The following SIAH3 variants were observed in gnomAD, a reference collection of about 807,000 sequenced individuals.
SIAH3 encodes seven in absentia homolog 3.
In SIAH3, 9 loss-of-function variants were observed where a neutral mutation model predicts 12.6. The ratio of observed to expected loss-of-function variants is 0.72; its 90% CI spans 0.43 to 1.25. The LOEUF is 1.25. Among genes scored for constraint, SIAH3 ranks in the 50% most tolerant of loss-of-function variants. The pLI, the probability that SIAH3 is intolerant of heterozygous loss-of-function variation, is 0.00. For missense variants in SIAH3, 390 were observed against 365.4 expected (o/e 1.07, Z -0.55); for synonymous variants, 154 against 151.1 (o/e 1.02, Z -0.14).
rs1420105690 is a variant in SIAH3 at position 45,779,492 on chromosome 13, C to T, written c.*3891G>A. 2 of 152,160 alleles carry T rather than the reference C, an allele frequency of 1.3e-5. No homozygotes were observed. Among genetic ancestry groups the T allele is most frequent in the Non-Finnish European group, 2.9e-5 (2 of 68,036 alleles). 9.4% of individuals were successfully genotyped at this position (152,160 alleles called of 1,614,324 possible). ...ATTCACACTTTATGACTCGGTCCTT[C>T]TGAGCCTTGGGTCCATATGTTCATA... is the stretch of plus-strand genomic sequence containing the variant. On this transcript the variant is annotated 3_prime_UTR_variant, in exon 2 of 2. Transcript: ENST00000400405.
intron 1 of SIAH3, among the ~76,000 whole-genome samples, chr13:45,798,986 C>G (rs183867274): frequency 6.6e-6 from 1 of 152,326 alleles, no homozygotes; most frequent in African/African-American, 2.4e-5. Flanking sequence ...ATGTACCAGC[C>G]TCACGACAAG....
intron 1 of SIAH3, among the ~76,000 whole-genome samples, chr13:45,842,464 C>G (rs1950743486): frequency 6.6e-6 from 1 of 152,102 alleles, no homozygotes; most frequent in South Asian, 2.1e-4. Context: ...CCACCTCAGC[C>G]CCTCCACCCT....
At chr13:45,785,170 C>G (rs1950523930) in intron 1 of SIAH3, among the ~76,000 whole-genome samples, 1 of 152,160 alleles carries the variant, frequency 6.6e-6, no homozygotes, top group African/African-American at 2.4e-5. Flanking sequence ...CTTCAGCTCC[C>G]TCCTCCGTTT....
rs997223383 is a variant in SIAH3 at position 45,783,940 on chromosome 13, C to T, written c.253G>A (p.Ala85Thr). 5 of 1,602,684 alleles carry T rather than the reference C, an allele frequency of 3.1e-6. No homozygotes were observed. In the African/African-American group the frequency reaches 5.4e-5, roughly 17 times the overall value. Reference sequence around the variant, plus strand: ...TGGTGGTGAAGGTGGTGGGGGTGGGCGTGGTGGCGGAGGTGGTGGTGGTGG... The same window carrying T: ...TGGTGGTGAAGGTGGTGGGGGTGGGTGTGGTGGCGGAGGTGGTGGTGGTGG... Reference protein sequence around the residue: ...HRHHHHLRHHAHPHHLHHQEA... With the variant: ...HRHHHHLRHHTHPHHLHHQEA... Residue 85 changes from alanine (A) to threonine (T), a missense_variant, in exon 2 of 2, where the codon GCC (alanine) becomes ACC (threonine). Transcript: ENST00000400405.
chr13:45,810,537 T>C (rs1529880), intron 1 of SIAH3, among the ~76,000 whole-genome samples: 54,884 of 151,936 alleles, frequency 0.36, 10,603 homozygotes, highest in Non-Finnish European at 0.41. Flanking sequence ...TAGAAAAATG[T>C]GGTGACAGGG....
chr13:45,783,439 C>G lies in SIAH3; in HGVS notation c.754G>C (p.Ala252Pro). The G allele has an allele frequency of 6.2e-7, 1 of 1,614,038 alleles. No homozygotes were observed. The highest frequency in any genetic ancestry group is 8.5e-7 in the Non-Finnish European group (1 of 1,179,982). Reference sequence around the variant, plus strand: ...GTCGCGGTGATGGCAATCCCAATGGCAAGGCTGCCGTTGTCAGAGAAGAGC... The same window carrying G: ...GTCGCGGTGATGGCAATCCCAATGGGAAGGCTGCCGTTGTCAGAGAAGAGC... Reference protein sequence around the residue: ...AQLFSDNGSLAIGIAITATEV... With the variant: ...AQLFSDNGSLPIGIAITATEV... Residue 252 changes from alanine to proline, a missense_variant, in exon 2 of 2, where the codon GCC becomes CCC. Physicochemically the swap from Ala to Pro is conservative, Grantham distance 27. Transcript: ENST00000400405.
In SIAH3 at chr13:45,779,528, G is replaced by T. The variant is rs1270889837; in HGVS notation, c.*3855C>A. The T allele has an allele frequency of 6.6e-6, 1 of 152,160 alleles. No homozygotes were observed. Among genetic ancestry groups the T allele is most frequent in the Non-Finnish European group, 1.5e-5 (1 of 68,036 alleles). 9.4% of individuals were successfully genotyped at this position (152,160 alleles called of 1,614,324 possible). On this transcript the variant is annotated 3_prime_UTR_variant, in exon 2 of 2. Coordinates refer to ENST00000400405, the MANE Select transcript of SIAH3 (RefSeq NM_198849.3). Reference sequence around the variant, plus strand: ...GTCCATATGTTCATAGAAATGACATGGTTGCTGTTGGTCAGAAGCCATACG... The same window carrying T: ...GTCCATATGTTCATAGAAATGACATTGTTGCTGTTGGTCAGAAGCCATACG...
At chr13:45,820,704 T>A (rs563542299) in intron 1 of SIAH3, among the ~76,000 whole-genome samples, 1 of 152,282 alleles carries the variant, frequency 6.6e-6, no homozygotes, top group South Asian at 2.1e-4. Flanking sequence ...AAACAGACTC[T>A]GCCTGGCTGC....
chr13:45,790,239 A>C (rs1950541610), intron 1 of SIAH3, among the ~76,000 whole-genome samples: 1 of 152,248 alleles, frequency 6.6e-6, no homozygotes, highest in African/African-American at 2.4e-5. Flanking sequence ...TGACCTATCT[A>C]TGCCATTGTT....
intron 1 of SIAH3, among the ~76,000 whole-genome samples, chr13:45,841,415 G>A (rs1051149717): frequency 1.3e-5 from 2 of 152,136 alleles, no homozygotes; most frequent in African/African-American, 4.8e-5. Flanking sequence ...TGTCCTTTTT[G>A]TCCTGGGGAG....
chr13:45,823,305 A>G (rs1027492031), intron 1 of SIAH3, among the ~76,000 whole-genome samples: 1 of 152,106 alleles, frequency 6.6e-6, no homozygotes, highest in Non-Finnish European at 1.5e-5. Context: ...GTTCTGTAAA[A>G]GCTCCCCAGG....
At chr13:45,840,272 A>T (rs1950735620) in intron 1 of SIAH3, among the ~76,000 whole-genome samples, 1 of 152,118 alleles carries the variant, frequency 6.6e-6, no homozygotes. Flanking sequence ...AAAACCCACG[A>T]GAAACCACAA....
intron 1 of SIAH3, among the ~76,000 whole-genome samples, chr13:45,841,275 C>T (rs956435566): frequency 2.0e-5 from 3 of 152,136 alleles, no homozygotes; most frequent in Non-Finnish European, 4.4e-5. Flanking sequence ...GCTTGCTGGC[C>T]AGTCTCTTGT....
chr13:45,828,374 G>A (rs995784367), intron 1 of SIAH3, among the ~76,000 whole-genome samples: 1 of 152,108 alleles, frequency 6.6e-6, no homozygotes, highest in Non-Finnish European at 1.5e-5. Flanking sequence ...TCACCCCAAC[G>A]GTGCCTGTCC....
chr13:45,819,300 G>C (rs1308159824), intron 1 of SIAH3, among the ~76,000 whole-genome samples: 2 of 152,196 alleles, frequency 1.3e-5, no homozygotes, highest in African/African-American at 4.8e-5. Context: ...TGTTGGGTTA[G>C]ACTTTACTTC....
intron 1 of SIAH3, among the ~76,000 whole-genome samples, chr13:45,816,550 T>A (rs990921791): frequency 3.9e-5 from 6 of 152,234 alleles, no homozygotes; most frequent in Non-Finnish European, 8.8e-5. Flanking sequence ...AATGTAAATG[T>A]CAACATAGCG....
chr13:45,820,710 G>A (rs186304040), intron 1 of SIAH3, among the ~76,000 whole-genome samples: 1 of 152,244 alleles, frequency 6.6e-6, no homozygotes, highest in African/African-American at 2.4e-5. Context: ...ACTCTGCCTG[G>A]CTGCTTCTGC....
intron 1 of SIAH3, among the ~76,000 whole-genome samples, chr13:45,809,864 T>A (rs1950610665): frequency 6.6e-6 from 1 of 152,212 alleles, no homozygotes; most frequent in Non-Finnish European, 1.5e-5. Context: ...AACTAAATGT[T>A]GTTTCAAGAA....
At chr13:45,848,916 C>T (rs553783269) in intron 1 of SIAH3, among the ~76,000 whole-genome samples, 21 of 152,322 alleles carry the variant, frequency 1.4e-4, no homozygotes, top group African/African-American at 5.1e-4. Context: ...GACTTTCCTC[C>T]TCATTACATA....
Sources: gnomAD v4.1 joint callset for allele counts (sites outside exome capture counted in the v4.1 genomes callset) on GRCh38, gnomAD v4.1.1 for gene constraint, MANE v1.5 for transcripts, NCBI Gene and HGNC (gene_info 2026-07-23, HGNC 2026-07-21) for gene names.